CD4: variants seen among roughly 807,000 people sequenced by gnomAD.
CD4 encodes CD4 molecule.
Under a neutral mutation model 50.5 loss-of-function variants are expected in CD4, and 25 were observed. The ratio of observed to expected loss-of-function variants is 0.49; its 90% CI spans 0.36 to 0.69. The LOEUF (loss-of-function observed/expected upper bound fraction) is 0.69. Among genes scored for constraint, CD4 ranks in the 30% least tolerant of loss-of-function variants. The pLI is 0.00. For synonymous variants in CD4, 207 were observed against 221.9 expected (o/e 0.93, Z 0.60); for missense variants, 456 against 548.5 (o/e 0.83, Z 1.68).
chr12:6,795,986 A>C (rs1942365209), intron 1 of CD4, among the ~76,000 whole-genome samples: 1 of 152,230 alleles, frequency 6.6e-6, no homozygotes. Flanking sequence ...ACTGGGCTTC[A>C]TCCAGGCTGG....
At position 6,800,317 on chromosome 12, in the gene CD4, A is replaced by T. The variant is rs1942506264; in HGVS notation, c.60A>T (p.Pro20=). The change falls in exon 3 of 10, where the codon CCA becomes CCT. Residue 20 remains proline, a synonymous_variant. Coordinates refer to ENST00000011653, the MANE Select transcript of CD4 (RefSeq NM_000616.5). The part of the protein sequence containing the change: ...LLLVLQLALL[P]AATQGKKVVL... ...TTCTTTTCCACTTAGCGCTCCTCCCAGCAGCCACTCAGGGAAAGAAAGTGG... is the reference window on the plus strand; with the variant it reads ...TTCTTTTCCACTTAGCGCTCCTCCCTGCAGCCACTCAGGGAAAGAAAGTGG... The T allele has an allele frequency of 6.2e-7, 1 of 1,613,930 alleles. No homozygotes were observed. Among genetic ancestry groups the T allele is most frequent in the African/African-American group, 1.3e-5 (1 of 74,888 alleles).
In CD4 at chr12:6,815,013, C is replaced by T. The variant is rs183019961; in HGVS notation, c.607+21C>T. 9,443 of 1,528,558 alleles carry T rather than the reference C, an allele frequency of 6.2e-3. 31 individuals are homozygous for T. The highest frequency in any genetic ancestry group is 7.1e-3 in the Non-Finnish European group (7,866 of 1,107,626). 94.7% of individuals were successfully genotyped at this position (1,528,558 alleles called of 1,614,324 possible). A position where few individuals can be genotyped will look rare whatever the true frequency, so the allele number is the denominator to read the frequency against. The stretch of plus-strand genomic sequence containing the variant: ...GCTAGGTAAGGGAAGCCCCTCTTCG[C>T]GCAGTCTCCTCCCTGCCCCAGGGGC... On this transcript the variant is annotated intron_variant, in intron 5 of 9. Transcript: ENST00000011653.
In CD4 at chr12:6,813,379, A is replaced by T. The variant is rs190017403; in HGVS notation, c.215-763A>T. ...TCATTTTCTTTTTTAATTTTTTTTTAGACATTATAGCTCTTTTTAATGGCC... is the reference window on the plus strand; with the variant it reads ...TCATTTTCTTTTTTAATTTTTTTTTTGACATTATAGCTCTTTTTAATGGCC... On this transcript the variant is annotated intron_variant, in intron 3 of 9. Coordinates refer to ENST00000011653, the MANE Select transcript of CD4 (RefSeq NM_000616.5). Among the ~76,000 whole-genome samples, 580 of 151,690 alleles carry T rather than the reference A, an allele frequency of 3.8e-3. 2 individuals are homozygous for T. The highest frequency in any genetic ancestry group is 6.8e-3 in the Non-Finnish European group (459 of 67,914).
chr12:6,815,843 G>A (rs1943069653), intron 5 of CD4: 4 of 1,501,052 alleles, frequency 2.7e-6, no homozygotes, highest in Non-Finnish European at 3.6e-6. Context: ...CTTCCGGGAG[G>A]AGGGAGGTGG....
chr12:6,813,093 C>T (rs1942985759), intron 3 of CD4, among the ~76,000 whole-genome samples: 1 of 151,582 alleles, frequency 6.6e-6, no homozygotes, highest in Admixed American at 6.6e-5. Context: ...TTTTTTGAGA[C>T]AGAGTCTCAC....
intron 1 of CD4, among the ~76,000 whole-genome samples, chr12:6,799,855 T>C (rs1942482381): frequency 6.6e-6 from 1 of 152,120 alleles, no homozygotes; most frequent in Admixed American, 6.5e-5. Context: ...GGCTCCTTAT[T>C]CACTTATTTA....
Position 6,818,564 on chromosome 12 carries a change from C to A in CD4, c.1278+22C>A. 6.2e-7 allele frequency: 1 copy of A among 1,611,592 alleles called. No individual in the cohort carries two copies. Among genetic ancestry groups the A allele is most frequent in the South Asian group, 1.1e-5 (1 of 91,008 alleles). ...AAGGGTGAGTAACCCCACACCTGGTCCCCACAAGGCCCTCAAACCCCTGAG... is the reference window on the plus strand; with the variant it reads ...AAGGGTGAGTAACCCCACACCTGGTACCCACAAGGCCCTCAAACCCCTGAG... On this transcript the variant is annotated intron_variant, in intron 8 of 9. Transcript: ENST00000011653. The surrounding 1 kb of genome is among the most constrained non-coding windows in gnomAD (Gnocchi z 5.0).
Position 6,818,657 on chromosome 12 carries a change from TC to T in CD4, c.1278+118del. On this transcript the variant is annotated intron_variant, in intron 8 of 9. Transcript: ENST00000011653. This position sits in a 1 kb window ranked among gnomAD's most constrained non-coding sequence, Gnocchi z 5.0. ...CAGCTCCCTCTGCCCACTCGTAAGT[TC>T]CCTTGCTGCCCTGTCCCAGATCCCA... The T allele has an allele frequency of 7.4e-7, 1 of 1,360,368 alleles. No individual in the cohort carries two copies. Among genetic ancestry groups the T allele is most frequent in the Non-Finnish European group, 1.0e-6 (1 of 967,248 alleles). The allele number at this position is 1,360,368 out of a possible 1,614,324, so 84.3% of individuals were successfully genotyped here.
chr12:6,812,048 C>G (rs1485332991), intron 3 of CD4, among the ~76,000 whole-genome samples: 1 of 152,020 alleles, frequency 6.6e-6, no homozygotes, highest in Non-Finnish European at 1.5e-5. Context: ...AGACTCCTGA[C>G]GGGCTGCATT....
intron 7 of CD4, among the ~76,000 whole-genome samples, chr12:6,817,782 ACACCCACACTCT>A (rs1555118204): frequency 6.9e-6 from 1 of 144,876 alleles, no homozygotes; most frequent in African/African-American, 2.6e-5. Context: ...ATCCACACTC[ACACCCACACTCT>A]CACCCCATGT....
In CD4 at chr12:6,820,510, G is replaced by C. The variant is rs1457351523; in HGVS notation, c.*1181G>C. On this transcript the variant is annotated 3_prime_UTR_variant, in exon 10 of 10. Coordinates refer to ENST00000011653, the MANE Select transcript of CD4 (RefSeq NM_000616.5). ...GGTGATTGTGCCAGGCTCTGCGCCTGCCCCACACCCTCCCTTACCCTCCTC... is the reference window on the plus strand; with the variant it reads ...GGTGATTGTGCCAGGCTCTGCGCCTCCCCCACACCCTCCCTTACCCTCCTC... 6.6e-6 allele frequency: 1 copy of C among 152,302 alleles called. No individual in the cohort carries two copies. Among genetic ancestry groups the C allele is most frequent in the African/African-American group, 2.4e-5 (1 of 41,434 alleles). 9.4% of individuals were successfully genotyped at this position (152,302 alleles called of 1,614,324 possible).
intron 1 of CD4, among the ~76,000 whole-genome samples, chr12:6,794,801 T>TGAGATAGAG (rs1942320789): frequency 7.0e-6 from 1 of 142,846 alleles, no homozygotes; most frequent in Non-Finnish European, 1.5e-5. Flanking sequence ...TTTTTTTTTT[T>TGAGATAGAG]TGAGATAGAG....
At chr12:6,800,558 T>C in intron 3 of CD4, 87 bp downstream of exon 3, 1 of 1,209,970 alleles carries the variant, frequency 8.3e-7, no homozygotes, top group Non-Finnish European at 1.1e-6. Flanking sequence ...TTAGTTAAAC[T>C]CTGGGATCCC....
chr12:6,820,017 GA>G lies in CD4; in HGVS notation c.*690del, dbSNP rs1943226745. 1 of 152,452 alleles carries G rather than the reference GA, an allele frequency of 6.6e-6. No homozygotes were observed. The allele number at this position is 152,452 out of a possible 1,614,324, so 9.4% of individuals were successfully genotyped here. A position where few individuals can be genotyped will look rare whatever the true frequency, so the allele number is the denominator to read the frequency against. On this transcript the variant is annotated 3_prime_UTR_variant, in exon 10 of 10. Coordinates refer to ENST00000011653, the MANE Select transcript of CD4 (RefSeq NM_000616.5). Reference sequence around the variant, plus strand: ...ATGATCATCTCCAGTTTATAGACCAGAACCAGAGCTCAGAGAGGCTAGATGA... The same window carrying G: ...ATGATCATCTCCAGTTTATAGACCAGACCAGAGCTCAGAGAGGCTAGATGA...
chr12:6,794,800 T>TTTTTTTTG (rs1942320461), intron 1 of CD4, among the ~76,000 whole-genome samples: 1 of 143,298 alleles, frequency 7.0e-6, no homozygotes, highest in Admixed American at 6.9e-5. Flanking sequence ...TTTTTTTTTT[T>TTTTTTTTG]TTGAGATAGA....
chr12:6,817,679 C>G (rs1943117459), intron 7 of CD4, among the ~76,000 whole-genome samples: 1 of 151,916 alleles, frequency 6.6e-6, no homozygotes, highest in Admixed American at 6.6e-5. Context: ...CACACATACA[C>G]TCTCACACAC....
intron 3 of CD4, among the ~76,000 whole-genome samples, chr12:6,809,346 G>C (rs1942866146): frequency 6.6e-6 from 1 of 151,974 alleles, no homozygotes; most frequent in African/African-American, 2.4e-5. Context: ...AAATACAAAA[G>C]TTAGTCGGGA....
chr12:6,799,226 G>A (rs1942464737), intron 1 of CD4: 2 of 152,222 alleles, frequency 1.3e-5, no homozygotes, highest in African/African-American at 2.4e-5. Context: ...AGCACAGTAC[G>A]ATCCACTATG....
At position 6,819,335 on chromosome 12, in the gene CD4, G is replaced by A. The variant is rs373819744; in HGVS notation, c.*6G>A. 50 of 1,614,030 alleles carry A rather than the reference G, an allele frequency of 3.1e-5. No individual in the cohort carries two copies. The South Asian group carries it at 3.6e-4, about 12-fold the overall frequency. The stretch of plus-strand genomic sequence containing the variant: ...AGACATGTAGCCCCATTTGAGGCAC[G>A]AGGCCAGGCAGATCCCACTTGCAGC... On this transcript the variant is annotated 3_prime_UTR_variant, in exon 10 of 10. Coordinates refer to ENST00000011653, the MANE Select transcript of CD4 (RefSeq NM_000616.5).
Sources: gnomAD v4.1 joint callset for allele counts (sites outside exome capture counted in the v4.1 genomes callset) on GRCh38, gnomAD v4.1.1 for gene constraint, Gnocchi (gnomAD v3.1) non-coding constraint, MANE v1.5 for transcripts, NCBI Gene and HGNC (gene_info 2026-07-23, HGNC 2026-07-21) for gene names.